PDK1: variants seen among roughly 807,000 people sequenced by gnomAD.
PDK1 encodes pyruvate dehydrogenase kinase 1.
PDK1 carries 39 observed loss-of-function variants against 54.2 expected under a neutral mutation model. That is an observed-to-expected ratio of 0.72 (90% CI 0.56 to 0.94). PDK1 has a LOEUF of 0.94. PDK1 is among the 40% of genes least tolerant of loss of function. PDK1 has a pLI of 0.00. For missense variants in PDK1, 552 were observed against 566.0 expected, an observed-to-expected ratio of 0.98 and a Z score of 0.25; for synonymous variants, 221 against 207.1, an observed-to-expected ratio of 1.07 and a Z score of -0.58.
the PDK1 span, among the ~76,000 whole-genome samples, chr2:172,712,960 G>C: frequency 6.6e-6 from 1 of 152,322 alleles, no homozygotes; most frequent in South Asian, 2.1e-4. Context: ...AAAGTGAGTA[G>C]CTCCTTTCTG....
chr2:172,610,971 C>A (rs2149330930), downstream of PDK1, among the ~76,000 whole-genome samples: 1 of 152,318 alleles, frequency 6.6e-6, no homozygotes, highest in African/African-American at 2.4e-5. Context: ...GTAAAAATAG[C>A]AAACGTGTAT....
chr2:172,713,280 GTGGGCT>G, the PDK1 span, among the ~76,000 whole-genome samples: 1 of 152,348 alleles, frequency 6.6e-6, no homozygotes, highest in African/African-American at 2.4e-5. Context: ...GCAGCCATGT[GTGGGCT>G]TGGAAAAAGT....
Position 172,570,746 on chromosome 2 carries a change from G to A in PDK1, c.867G>A (p.Met289Ile), listed in dbSNP as rs1424221411. The part of the protein sequence containing the change: ...ELFKNAMRAT[M>I]EHHANRGVYP... ...TTCAGAATGCAATGAGAGCCACTAT[G>A]GAACACCATGCCAACAGAGGTGTTT... The change falls in exon 8 of 11, where the codon ATG (methionine) becomes ATA (isoleucine). Residue 289 changes from methionine (M) to isoleucine (I), a missense_variant. Physicochemically the swap from Met to Ile is conservative, Grantham distance 10. Coordinates refer to ENST00000282077, the MANE Select transcript of PDK1 (RefSeq NM_002610.5). The A allele has an allele frequency of 6.2e-6, 10 of 1,605,884 alleles. No homozygotes were observed. The highest frequency in any genetic ancestry group is 8.5e-6 in the Non-Finnish European group (10 of 1,172,922).
At chr2:172,621,960 A>G in the PDK1 span, among the ~76,000 whole-genome samples, 2 of 149,150 alleles carry the variant, frequency 1.3e-5, no homozygotes, top group African/African-American at 2.5e-5. Context: ...TATATTTTAT[A>G]TCTCATATGA....
chr2:172,638,888 C>T, the PDK1 span, among the ~76,000 whole-genome samples: 1 of 152,190 alleles, frequency 6.6e-6, no homozygotes, highest in African/African-American at 2.4e-5. Flanking sequence ...AATGGCATCA[C>T]ACCATATCAA....
At chr2:172,692,980 T>A in the PDK1 span, among the ~76,000 whole-genome samples, 1 of 152,196 alleles carries the variant, frequency 6.6e-6, no homozygotes, top group Admixed American at 6.5e-5. Flanking sequence ...TCCACAGTAA[T>A]CACTCTGTTT....
chr2:172,561,648 G>A (rs1365712722), intron 2 of PDK1, among the ~76,000 whole-genome samples: 2 of 152,152 alleles, frequency 1.3e-5, no homozygotes, highest in Non-Finnish European at 2.9e-5. Flanking sequence ...TTGATACTTC[G>A]AATTGTTAGA....
chr2:172,610,438 GC>G (rs1691426711), downstream of PDK1, among the ~76,000 whole-genome samples: 1 of 152,056 alleles, frequency 6.6e-6, no homozygotes, highest in Admixed American at 6.6e-5. Flanking sequence ...TCCTCCCTGT[GC>G]CTAGGTTTTT....
the PDK1 span, among the ~76,000 whole-genome samples, chr2:172,706,477 T>A: frequency 6.6e-6 from 1 of 151,318 alleles, no homozygotes; most frequent in South Asian, 2.1e-4. Flanking sequence ...CAGGCCGGAG[T>A]GCAGTGGCAC....
intron 8 of PDK1, among the ~76,000 whole-genome samples, chr2:172,583,262 G>T: frequency 7.4e-6 from 1 of 134,356 alleles, no homozygotes; most frequent in African/African-American, 3.0e-5. Flanking sequence ...CAAGCATAAT[G>T]CTGCATAAAA....
At chr2:172,646,963 C>T in the PDK1 span, among the ~76,000 whole-genome samples, 1 of 151,988 alleles carries the variant, frequency 6.6e-6, no homozygotes, top group Non-Finnish European at 1.5e-5. Flanking sequence ...TCTGAAACTC[C>T]TGACCTCAGG....
the PDK1 span, among the ~76,000 whole-genome samples, chr2:172,635,296 C>T: frequency 6.6e-6 from 1 of 152,106 alleles, no homozygotes; most frequent in Non-Finnish European, 1.5e-5. Context: ...ATTTATCACA[C>T]GGCCAATTGT....
the PDK1 span, among the ~76,000 whole-genome samples, chr2:172,639,999 A>C: frequency 6.6e-6 from 1 of 152,260 alleles, no homozygotes. Flanking sequence ...CATTTGCCTC[A>C]GCAACAGATG....
At chr2:172,635,722 C>T in the PDK1 span, among the ~76,000 whole-genome samples, 5 of 152,324 alleles carry the variant, frequency 3.3e-5, no homozygotes, top group East Asian at 9.6e-4. Context: ...AATTCCTAAA[C>T]ATAGTGAACA....
At position 172,558,828 on chromosome 2, in the gene PDK1, C is replaced by G. The variant is rs1312543330; in HGVS notation, c.317C>G (p.Ser106Cys). 6.2e-7 allele frequency: 1 copy of G among 1,611,878 alleles called. No homozygotes were observed. The highest frequency in any genetic ancestry group is 8.5e-7 in the Non-Finnish European group (1 of 1,179,250). Residue 106 changes from serine to cysteine, a missense_variant, in exon 2 of 11, where the codon TCC (serine) becomes TGC (cysteine). Ser to Cys is a moderately radical substitution (Grantham distance 112). Coordinates refer to ENST00000282077, the MANE Select transcript of PDK1 (RefSeq NM_002610.5). ...CCAGATAATCTTCTCAGGACACCAT[C>G]CGTTCAATTGGTACAAAGCTGGTAA... ...LLPDNLLRTPSVQLVQSWYIQ... is the reference protein window; with the variant it reads ...LLPDNLLRTPCVQLVQSWYIQ...
At chr2:172,570,911 A>G (rs2149232369) in intron 8 of PDK1, 87 bp downstream of exon 8, 1 of 723,512 alleles carries the variant, frequency 1.4e-6, no homozygotes, top group South Asian at 1.7e-5. Flanking sequence ...CATAATTTCT[A>G]AAAGACATAA....
the PDK1 span, among the ~76,000 whole-genome samples, chr2:172,619,006 A>C: frequency 6.6e-6 from 1 of 152,192 alleles, no homozygotes; most frequent in Admixed American, 6.5e-5. Flanking sequence ...GCAACTCTGG[A>C]TGAAGTGCTG....
chr2:172,702,278 A>G, the PDK1 span, among the ~76,000 whole-genome samples: 111 of 152,218 alleles, frequency 7.3e-4, no homozygotes, highest in Admixed American at 1.4e-3. Context: ...GGAATTCAAG[A>G]CCAGCCTGGC....
chr2:172,564,331 T>G (rs1459165330), intron 3 of PDK1, among the ~76,000 whole-genome samples, 172 bp from the exon 4 acceptor site: 2 of 152,228 alleles, frequency 1.3e-5, no homozygotes, highest in East Asian at 3.8e-4. Context: ...TTTCATAGAT[T>G]TGGTATATTT....
Sources: allele counts gnomAD v4.1 joint callset (sites outside exome capture counted in the v4.1 genomes callset), GRCh38; gene constraint gnomAD v4.1.1; transcripts MANE v1.5; gene names NCBI Gene and HGNC (gene_info 2026-07-23, HGNC 2026-07-21).